The following FSTL5 variants were observed in gnomAD, a reference collection of about 807,000 sequenced individuals.
FSTL5 encodes the protein follistatin like 5, also known as follistatin-related protein 5.
FSTL5 carries 62 observed loss-of-function variants against 89.1 expected under a neutral mutation model. That is an observed-to-expected ratio of 0.70 (90% CI 0.57 to 0.86). The LOEUF (loss-of-function observed/expected upper bound fraction) is 0.86, where lower values mean the gene tolerates loss of function less well. FSTL5 is among the 40% of genes least tolerant of loss of function. The probability of loss-of-function intolerance (pLI) is 0.00; values close to 1 mark genes in which losing one functional copy is unlikely to be tolerated. For synonymous variants in FSTL5, 383 were observed against 346.2 expected (o/e 1.11, Z -1.18); for missense variants, 1,057 against 1,001.6 (o/e 1.06, Z -0.75).
intron 4 of FSTL5, among the ~76,000 whole-genome samples, chr4:161,856,678 A>AT (rs397747926): frequency 1.1e-4 from 17 of 151,020 alleles, no homozygotes; most frequent in East Asian, 3.9e-4. Context: ...ATATATATAT[A>AT]AATATGTATA....
intron 3 of FSTL5, among the ~76,000 whole-genome samples, chr4:161,951,319 C>T (rs1412340155): frequency 1.3e-5 from 2 of 152,046 alleles, no homozygotes. Context: ...TCTATTTTAA[C>T]TCATTTCTCT....
chr4:161,497,376 C>T (rs761500823), intron 12 of FSTL5, among the ~76,000 whole-genome samples: 15 of 151,826 alleles, frequency 9.9e-5, no homozygotes, highest in Admixed American at 5.3e-4. Flanking sequence ...AAATCATAAG[C>T]GGAAATTAGT....
rs1731443396 is a variant in FSTL5, at chr4:162,111,520, A to C, written c.-16-108T>G. ...TATAAATCTCCATTAATCTAATCAA[A>C]ACTTGCTGGTAGTTGCCAAGGGAAA... On this transcript the variant is annotated intron_variant, in intron 1 of 15. Coordinates refer to ENST00000306100, the MANE Select transcript of FSTL5 (RefSeq NM_020116.5). 6.0e-6 allele frequency: 5 copies of C among 828,774 alleles called. No individual in the cohort carries two copies. In the Admixed American group the frequency reaches 9.2e-5, roughly 15 times the overall value. The allele number at this position is 828,774 out of a possible 1,614,324, so 51.3% of individuals were successfully genotyped here.
At chr4:161,648,496 T>C (rs1736229277) in intron 7 of FSTL5, among the ~76,000 whole-genome samples, 1 of 152,184 alleles carries the variant, frequency 6.6e-6, no homozygotes, top group African/African-American at 2.4e-5. Flanking sequence ...ATCTCAATTT[T>C]TGAAAAAGAA....
chr4:161,995,471 T>G (rs1334749079), intron 3 of FSTL5, among the ~76,000 whole-genome samples: 2 of 152,084 alleles, frequency 1.3e-5, no homozygotes, highest in Admixed American at 1.3e-4. Context: ...ACCTATACCC[T>G]TTGAGCGACT....
chr4:161,703,769 A>G lies in FSTL5; in HGVS notation c.728-47275T>C, dbSNP rs555619361. Among the ~76,000 whole-genome samples, 20 of 152,200 alleles carry G rather than the reference A, an allele frequency of 1.3e-4. 2 individuals are homozygous for G. The South Asian group carries it at 4.1e-3, about 31-fold the overall frequency. Reference sequence around the variant, plus strand: ...GAATAGACAGTCATAAAATTTATTAATTTTTCAGTTACCTGCTATAATATT... The same window carrying G: ...GAATAGACAGTCATAAAATTTATTAGTTTTTCAGTTACCTGCTATAATATT... On this transcript the variant is annotated intron_variant, in intron 6 of 15. Coordinates refer to ENST00000306100, the MANE Select transcript of FSTL5 (RefSeq NM_020116.5).
intron 6 of FSTL5, among the ~76,000 whole-genome samples, chr4:161,742,474 G>A (rs1460255170): frequency 6.6e-6 from 1 of 152,224 alleles, no homozygotes; most frequent in African/African-American, 2.4e-5. Context: ...ATGAAGGCAA[G>A]GGAGAGAATT....
chr4:161,961,527 ATAT>A (rs1735175842), intron 3 of FSTL5, among the ~76,000 whole-genome samples: 4 of 21,202 alleles, frequency 1.9e-4, no homozygotes, highest in African/African-American at 2.2e-4. Context: ...CTAGAAAAAT[ATAT>A]ATATATATAT....
At chr4:161,704,737 T>G (rs139007695) in intron 6 of FSTL5, among the ~76,000 whole-genome samples, 134 of 152,188 alleles carry the variant, frequency 8.8e-4, no homozygotes, top group African/African-American at 3.1e-3. Context: ...GTCAATTGCT[T>G]CACTCTATTT....
At chr4:161,721,284 C>CAAAAAAA (rs34307838) in intron 6 of FSTL5, among the ~76,000 whole-genome samples, 2 of 65,118 alleles carry the variant, frequency 3.1e-5, no homozygotes, top group Admixed American at 2.3e-4. Context: ...GACTCCGTCT[C>CAAAAAAA]AAAAAAAAAA....
intron 6 of FSTL5, among the ~76,000 whole-genome samples, chr4:161,751,821 T>C (rs190323555): frequency 1.1e-3 from 162 of 151,928 alleles, no homozygotes; most frequent in African/African-American, 3.4e-3. Flanking sequence ...CAAACTAAAA[T>C]GCACATTATT....
intron 2 of FSTL5, among the ~76,000 whole-genome samples, chr4:162,052,937 A>C (rs1258917234): frequency 2.0e-5 from 3 of 151,824 alleles, no homozygotes; most frequent in African/African-American, 7.2e-5. Flanking sequence ...TTTTATAATA[A>C]TACTAATGAA....
intron 7 of FSTL5, among the ~76,000 whole-genome samples, chr4:161,621,828 A>C (rs909182557): frequency 5.9e-5 from 3 of 51,214 alleles, no homozygotes; most frequent in Non-Finnish European, 1.1e-4. Flanking sequence ...CTAAAAATAC[A>C]AAAAAAAAAA....
At chr4:161,728,268 G>C (rs1739489275) in intron 6 of FSTL5, among the ~76,000 whole-genome samples, 1 of 152,098 alleles carries the variant, frequency 6.6e-6, no homozygotes, top group Admixed American at 6.6e-5. Flanking sequence ...TATTAACATG[G>C]GGTGTTTTTA....
intron 6 of FSTL5, among the ~76,000 whole-genome samples, chr4:161,668,676 T>C (rs1736979920): frequency 6.6e-6 from 1 of 152,288 alleles, no homozygotes; most frequent in African/African-American, 2.4e-5. Flanking sequence ...TATGACACGT[T>C]GGTGTTTGTC....
intron 4 of FSTL5, among the ~76,000 whole-genome samples, chr4:161,911,717 T>A (rs1390276170): frequency 3.3e-5 from 5 of 152,308 alleles, no homozygotes; most frequent in Middle Eastern, 3.4e-3. Flanking sequence ...TGTCTTAAAC[T>A]AAAACAATTA....
intron 2 of FSTL5, among the ~76,000 whole-genome samples, chr4:162,060,156 T>C (rs563400580): frequency 6.6e-6 from 1 of 152,256 alleles, no homozygotes; most frequent in Non-Finnish European, 1.5e-5. Context: ...AGTTCCCTAT[T>C]TTCAGTTCTG....
chr4:161,984,969 T>A (rs1215206332), intron 3 of FSTL5, among the ~76,000 whole-genome samples: 1 of 151,978 alleles, frequency 6.6e-6, no homozygotes, highest in Non-Finnish European at 1.5e-5. Context: ...CTTTTTTTTT[T>A]TTTTTAAGAC....
At chr4:161,921,977 A>G (rs1231787223) in intron 3 of FSTL5, among the ~76,000 whole-genome samples, 3 of 152,092 alleles carry the variant, frequency 2.0e-5, no homozygotes, top group African/African-American at 7.2e-5. Flanking sequence ...TTAAGTAATC[A>G]ATTTTGTTCT....
Sources: gnomAD v4.1 joint callset for allele counts (sites outside exome capture counted in the v4.1 genomes callset) on GRCh38, gnomAD v4.1.1 for gene constraint, MANE v1.5 for transcripts, NCBI Gene and HGNC (gene_info 2026-07-23, HGNC 2026-07-21) for gene names.